PCDHGB5: variants seen among roughly 807,000 people sequenced by gnomAD.
PCDHGB5 encodes protocadherin gamma subfamily B, 5.
PCDHGB5 carries 48 observed loss-of-function variants against 62.9 expected under a neutral mutation model. The ratio of observed to expected loss-of-function variants is 0.76; its 90% confidence interval spans 0.61 to 0.97. The LOEUF (loss-of-function observed/expected upper bound fraction) is 0.97. Ranked by LOEUF, PCDHGB5 falls within the 50% of genes least tolerant of loss-of-function variation. PCDHGB5 has a pLI of 0.00. For missense variants in PCDHGB5, 1,118 were observed against 1,198.6 expected, an observed-to-expected ratio of 0.93 and a Z score of 0.99; for synonymous variants, 474 against 511.2, an observed-to-expected ratio of 0.93 and a Z score of 0.98.
chr5:141,418,890 G>C (rs1449142412), intron 1 of PCDHGB5: 1 of 1,613,934 alleles, frequency 6.2e-7, no homozygotes, highest in South Asian at 1.1e-5. Context: ...AACGACAACA[G>C]CCCAGAAATA....
At chr5:141,460,908 T>C (rs550367008) in intron 1 of PCDHGB5, among the ~76,000 whole-genome samples, 2,136 of 133,318 alleles carry the variant, frequency 0.016, 43 homozygotes, top group African/African-American at 0.062. Flanking sequence ...TAATATTCCA[T>C]GGTGTATATA....
intron 1 of PCDHGB5, chr5:141,405,162 C>T: frequency 6.2e-7 from 1 of 1,614,098 alleles, no homozygotes; most frequent in Non-Finnish European, 8.5e-7. Flanking sequence ...GGTGTGCCCA[C>T]CTCACACTTT....
intron 1 of PCDHGB5, chr5:141,426,294 CAG>C (rs555591649): frequency 1.2e-4 from 20 of 167,070 alleles, no homozygotes; most frequent in African/African-American, 4.5e-4. Context: ...GGATGGGAAA[CAG>C]GGTGAAGCAG....
At position 141,420,290 on chromosome 5, in the gene PCDHGB5, T is replaced by C. The variant is rs563124810; in HGVS notation, c.2397+19766T>C. 1.3e-5 allele frequency: 19 copies of C among 1,496,908 alleles called. No individual in the cohort carries two copies. The East Asian group carries it at 3.9e-4, about 30-fold the overall frequency. 92.7% of individuals were successfully genotyped at this position (1,496,908 alleles called of 1,614,324 possible). A position where few individuals can be genotyped will look rare whatever the true frequency, so the allele number is the denominator to read the frequency against. ...TCTTAAACAGGTAAGTATTTAAAAA[T>C]GTATTTAATCCTTTTTATATTACAA... On this transcript the variant is annotated intron_variant, in intron 1 of 3. Transcript: ENST00000617380.
intron 2 of PCDHGB5, among the ~76,000 whole-genome samples, chr5:141,504,141 T>C (rs1289360763): frequency 6.6e-6 from 1 of 152,192 alleles, no homozygotes; most frequent in East Asian, 1.9e-4. Flanking sequence ...AACACTCCCC[T>C]GCAAATTGAA....
chr5:141,408,053 TC>T, intron 1 of PCDHGB5: 1 of 1,288,090 alleles, frequency 7.8e-7, no homozygotes, highest in South Asian at 1.6e-5. Context: ...ACACAGAGCC[TC>T]CCGGCTGCGC....
chr5:141,468,131 C>G (rs1006565854), intron 1 of PCDHGB5, among the ~76,000 whole-genome samples: 1 of 151,766 alleles, frequency 6.6e-6, no homozygotes, highest in African/African-American at 2.4e-5. Flanking sequence ...TTGAGACCAG[C>G]CTGGCCAACA....
chr5:141,437,617 C>G (rs570138576), intron 1 of PCDHGB5, among the ~76,000 whole-genome samples: 1 of 152,220 alleles, frequency 6.6e-6, no homozygotes, highest in South Asian at 2.1e-4. Context: ...CTGCTTTATC[C>G]CCATATAAGA....
chr5:141,422,686 C>T, intron 1 of PCDHGB5: 1 of 1,605,000 alleles, frequency 6.2e-7, no homozygotes, highest in East Asian at 2.2e-5. Flanking sequence ...ACAGAATGCC[C>T]TGGTCACTTA....
rs558074504 is a variant in PCDHGB5 at position 141,489,065 on chromosome 5, C to A, written c.2398-5742C>A. ...CCACTCAAATTCAGCTCCCCTCCCCCCTGCCCACCCCCGCCACTCGGTGAC... is the reference window on the plus strand; with the variant it reads ...CCACTCAAATTCAGCTCCCCTCCCCACTGCCCACCCCCGCCACTCGGTGAC... On this transcript the variant is annotated intron_variant, in intron 1 of 3. Transcript: ENST00000617380. The surrounding 1 kb of genome is among the most constrained non-coding windows in gnomAD (Gnocchi z 4.5). 1,377 of 389,040 alleles carry A rather than the reference C, an allele frequency of 3.5e-3. 31 individuals carry two copies. Among genetic ancestry groups the A allele is most frequent in the Admixed American group, 9.8e-3 (226 of 22,946 alleles). 24.1% of individuals were successfully genotyped at this position (389,040 alleles called of 1,614,324 possible).
intron 1 of PCDHGB5, chr5:141,417,885 G>T (rs761442517): frequency 3.8e-6 from 6 of 1,562,926 alleles, no homozygotes; most frequent in South Asian, 1.2e-5. Context: ...GCGCAGAGGC[G>T]CCGGGCCGGC....
chr5:141,409,669 C>T, intron 1 of PCDHGB5: 1 of 1,613,528 alleles, frequency 6.2e-7, no homozygotes, highest in Non-Finnish European at 8.5e-7. Context: ...ACATCTCCTA[C>T]TCTATAGTGG....
At chr5:141,423,177 C>T (rs748689237) in intron 1 of PCDHGB5, 3 of 1,613,430 alleles carry the variant, frequency 1.9e-6, no homozygotes, top group Non-Finnish European at 2.5e-6. Context: ...TCCAGGACCA[C>T]GGCCAGCCCC....
intron 1 of PCDHGB5, chr5:141,428,390 C>T (rs1043799152): frequency 8.0e-5 from 40 of 502,004 alleles, no homozygotes; most frequent in African/African-American, 6.6e-4. Context: ...TCTTCCAGCC[C>T]CTCTGCCTGG....
intron 3 of PCDHGB5, among the ~76,000 whole-genome samples, chr5:141,506,032 G>A (rs994735467): frequency 5.9e-5 from 9 of 152,166 alleles, no homozygotes; most frequent in Non-Finnish European, 1.0e-4. Context: ...TCCAGAGTAG[G>A]ATTCTGGTTT....
chr5:141,401,281 G>C (rs2094135967), intron 1 of PCDHGB5, among the ~76,000 whole-genome samples: 1 of 152,200 alleles, frequency 6.6e-6, no homozygotes, highest in Non-Finnish European at 1.5e-5. Context: ...GGTGGAGGTT[G>C]CGGTGAGCCG....
chr5:141,500,258 G>A lies in PCDHGB5; in HGVS notation c.2457-5135G>A, dbSNP rs2099798463. On this transcript the variant is annotated intron_variant, in intron 2 of 3. Coordinates refer to ENST00000617380, the MANE Select transcript of PCDHGB5 (RefSeq NM_018925.3). ...TAGCCTTGCTCTGTCACCCAGGCTG[G>A]ACTGCAGTGGCGCAATCTCGGCTCA... Among the ~76,000 whole-genome samples the A allele has an allele frequency of 2.0e-5, 3 of 150,738 alleles. No homozygotes were observed. In the South Asian group the frequency reaches 6.3e-4, roughly 32 times the overall value.
chr5:141,457,020 C>A (rs2098903789), intron 1 of PCDHGB5, among the ~76,000 whole-genome samples: 1 of 152,086 alleles, frequency 6.6e-6, no homozygotes, highest in Non-Finnish European at 1.5e-5. Flanking sequence ...AATAAAAAGT[C>A]CTAGTAGACT....
chr5:141,439,667 C>T (rs149776177), intron 1 of PCDHGB5, among the ~76,000 whole-genome samples: 2,012 of 152,292 alleles, frequency 0.013, 16 homozygotes, highest in Middle Eastern at 0.034. Context: ...TCATGGAATG[C>T]AAATCCAAGA....
Sources: allele counts gnomAD v4.1 joint callset (sites outside exome capture counted in the v4.1 genomes callset), GRCh38; gene constraint gnomAD v4.1.1; non-coding constraint Gnocchi (gnomAD v3.1); transcripts MANE v1.5; gene names NCBI Gene and HGNC (gene_info 2026-07-23, HGNC 2026-07-21).